Variants in SCN1A observed in about 807,000 individuals in gnomAD.
The protein encoded by SCN1A is sodium voltage-gated channel alpha subunit 1, also known as sodium channel protein type 1 subunit alpha.
A neutral mutation model predicts 193.7 loss-of-function variants in SCN1A; 13 were observed. The observed-to-expected ratio is 0.07, with a 90% CI of 0.04 to 0.11. The LOEUF (loss-of-function observed/expected upper bound fraction) is 0.11. Ranked by LOEUF, SCN1A falls within the 10% of genes least tolerant of loss-of-function variation. The probability of loss-of-function intolerance (pLI) is 1.00; values close to 1 mark genes in which losing one functional copy is unlikely to be tolerated. For synonymous variants in SCN1A, 781 were observed against 843.6 expected (o/e 0.93, Z 1.29); for missense variants, 1,432 against 2,451.1 (o/e 0.58, Z 8.78).
rs138631469 is a variant in SCN1A, at chr2:166,136,446, G to A, written c.-50+12601C>T. Among the ~76,000 whole-genome samples the A allele has an allele frequency of 1.9e-3, 294 of 152,010 alleles. 4 individuals are homozygous for A. Among genetic ancestry groups the A allele is most frequent in the African/African-American group, 7.0e-3 (288 of 41,416 alleles). ...TGCATATATATATATGTTATGTTAT[G>A]CTACACACACACAACTGCTAATGAG... On this transcript the variant is annotated intron_variant, in intron 1 of 26. Transcript: ENST00000635750.
intron 1 of SCN1A, among the ~76,000 whole-genome samples, chr2:166,145,344 T>C (rs1321292882): frequency 6.6e-6 from 1 of 152,114 alleles, no homozygotes; most frequent in Non-Finnish European, 1.5e-5. Flanking sequence ...GCAGGGATCA[T>C]GTTTTTAAAA....
intron 19 of SCN1A, among the ~76,000 whole-genome samples, chr2:166,018,127 C>T (rs553216315): frequency 1.5e-4 from 23 of 151,954 alleles, no homozygotes; most frequent in Admixed American, 3.9e-4. Context: ...ATTGTTATTG[C>T]ATGATATTAA....
At chr2:166,001,865 G>A (rs1490956841) in intron 24 of SCN1A, among the ~76,000 whole-genome samples, 1 of 144,900 alleles carries the variant, frequency 6.9e-6, no homozygotes, top group African/African-American at 2.5e-5. Context: ...TTGCTTCCAG[G>A]TATAATTCTC....
At chr2:166,012,639 A>G (rs762332655) in intron 21 of SCN1A, among the ~76,000 whole-genome samples, 3 of 67,276 alleles carry the variant, frequency 4.5e-5, no homozygotes, top group Non-Finnish European at 8.7e-5. Flanking sequence ...TTTTTTTGCT[A>G]TAGAAAGGAG....
chr2:166,032,099 A>T (rs1287872741), intron 19 of SCN1A, among the ~76,000 whole-genome samples: 1 of 120,940 alleles, frequency 8.3e-6, no homozygotes, highest in Non-Finnish European at 1.8e-5. Flanking sequence ...AAACAATAAC[A>T]TGTTCAAATG....
In SCN1A at chr2:165,986,164, A is replaced by G. The variant is rs373185365; in HGVS notation, c.*5081T>C. The G allele has an allele frequency of 3.3e-5, 5 of 152,322 alleles. No homozygotes were observed. In the East Asian group the frequency reaches 9.6e-4, roughly 29 times the overall value. The allele number at this position is 152,322 out of a possible 1,614,324, so 9.4% of individuals were successfully genotyped here. On this transcript the variant is annotated 3_prime_UTR_variant, in exon 29 of 29. Transcript: ENST00000674923. The stretch of plus-strand genomic sequence containing the variant: ...AAAGAACATTTAAACATTAAATGGT[A>G]TTAGTCTTTAGAAAATAATCTAAAA...
intron 4 of SCN1A, among the ~76,000 whole-genome samples, chr2:166,058,934 A>C (rs1000884467): frequency 6.6e-6 from 1 of 152,142 alleles, no homozygotes; most frequent in Non-Finnish European, 1.5e-5. Flanking sequence ...ACATAAGACA[A>C]TTAGCCAAGA....
intron 19 of SCN1A, among the ~76,000 whole-genome samples, chr2:166,017,706 T>C (rs1693491487): frequency 6.6e-6 from 1 of 152,050 alleles, no homozygotes; most frequent in Non-Finnish European, 1.5e-5. Flanking sequence ...GAGTGGAATT[T>C]GAGAATTTTA....
chr2:166,144,926 G>A (rs5028093), intron 1 of SCN1A, among the ~76,000 whole-genome samples: 121,404 of 149,914 alleles, frequency 0.81, 49,692 homozygotes, highest in African/African-American at 0.94. Flanking sequence ...ATCTCGGCTC[G>A]CTGCAACCTC....
At chr2:166,013,584 C>A (rs140429359) in intron 21 of SCN1A, among the ~76,000 whole-genome samples, 160 bp downstream of exon 21, 4 of 151,184 alleles carry the variant, frequency 2.6e-5, no homozygotes, top group African/African-American at 9.7e-5. Flanking sequence ...AAAAGTTAAT[C>A]CAGAAATATA....
intron 11 of SCN1A, 48 bp from the exon 12 acceptor site, chr2:166,047,024 T>C: frequency 6.2e-7 from 1 of 1,600,422 alleles, no homozygotes; most frequent in Non-Finnish European, 8.6e-7. Flanking sequence ...TTTCACTAAG[T>C]GGTGGCTTCA....
At chr2:166,000,206 T>G (rs1199871537) in intron 24 of SCN1A, 1 of 195,364 alleles carries the variant, frequency 5.1e-6, no homozygotes, top group Non-Finnish European at 1.1e-5. Context: ...GATTGAAAAT[T>G]TAAGATTTCT....
chr2:166,038,168 T>G (rs1157399727), intron 17 of SCN1A, 36 bp from the exon 18 acceptor site: 2 of 1,467,354 alleles, frequency 1.4e-6, no homozygotes, highest in South Asian at 2.5e-5. Flanking sequence ...TTTGTATGAT[T>G]CTTAAAAGCA....
At position 166,052,097 on chromosome 2, in the gene SCN1A, T is replaced by C. The variant is rs1698640879; in HGVS notation, c.695-109A>G. Reference sequence around the variant, plus strand: ...TTTCATTCATAAATCCAAGAATGTTTGCAACGCTAGTGGAGAAGCAACACT... The same window carrying C: ...TTTCATTCATAAATCCAAGAATGTTCGCAACGCTAGTGGAGAAGCAACACT... On this transcript the variant is annotated intron_variant, in intron 8 of 28. Coordinates refer to ENST00000674923, the MANE Select transcript of SCN1A (RefSeq NM_001165963.4). The C allele has an allele frequency of 3.5e-5, 36 of 1,020,626 alleles. 1 individual carries two copies. The South Asian group carries it at 5.6e-4, about 16-fold the overall frequency. 63.2% of individuals were successfully genotyped at this position (1,020,626 alleles called of 1,614,324 possible).
At chr2:166,088,595 T>G (rs927679051) in intron 2 of SCN1A, among the ~76,000 whole-genome samples, 6 of 152,226 alleles carry the variant, frequency 3.9e-5, no homozygotes, top group African/African-American at 1.4e-4. Context: ...ATTTAAATAC[T>G]ATTATTACAG....
chr2:165,999,925 AGT>A, intron 24 of SCN1A, 149 bp from the exon 25 acceptor site: 1 of 693,986 alleles, frequency 1.4e-6, no homozygotes, highest in African/African-American at 1.8e-5. Context: ...GGACCAAGAC[AGT>A]ATTTTAGTAT....
At chr2:166,027,286 G>A (rs1444703655) in intron 19 of SCN1A, 1 of 152,098 alleles carries the variant, frequency 6.6e-6, no homozygotes, top group Non-Finnish European at 1.5e-5. Flanking sequence ...TTTTAACAAT[G>A]CTCTTTACTA....
chr2:166,056,997 C>T lies in SCN1A; in HGVS notation c.384-497G>A, dbSNP rs75500965. ...AACAATTTGTAGTCAAAGTACAGCA[C>T]GATGCTAATTGTTGGGTTGCTCTAT... On this transcript the variant is annotated intron_variant, in intron 5 of 28. Coordinates refer to ENST00000674923, the MANE Select transcript of SCN1A (RefSeq NM_001165963.4). Among the ~76,000 whole-genome samples the T allele has an allele frequency of 2.9e-3, 438 of 152,144 alleles. 1 individual carries two copies. The highest frequency in any genetic ancestry group is 4.8e-3 in the African/African-American group (200 of 41,544).
Position 165,986,933 on chromosome 2 carries a change from G to A in SCN1A, c.*4312C>T, listed in dbSNP as rs1277551976. On this transcript the variant is annotated 3_prime_UTR_variant, in exon 29 of 29. Transcript: ENST00000674923. ...GGCACACTAGTCTTAACAAAATTAG[G>A]AAAATTAACACTATTATAATACTAA... The A allele has an allele frequency of 6.6e-6, 1 of 151,844 alleles. No individual in the cohort carries two copies. The highest frequency in any genetic ancestry group is 1.9e-4 in the East Asian group (1 of 5,186). 9.4% of individuals were successfully genotyped at this position (151,844 alleles called of 1,614,324 possible). A position where few individuals can be genotyped will look rare whatever the true frequency, so the allele number is the denominator to read the frequency against.
Sources: allele counts gnomAD v4.1 joint callset (sites outside exome capture counted in the v4.1 genomes callset), GRCh38; gene constraint gnomAD v4.1.1; transcripts MANE v1.5; gene names NCBI Gene and HGNC (gene_info 2026-07-23, HGNC 2026-07-21).